Variants in CCDC149 observed in about 807,000 individuals in gnomAD.
CCDC149 encodes coiled-coil domain-containing protein 149.
In CCDC149, 45 loss-of-function variants were observed where a neutral mutation model predicts 59.9. The ratio of observed to expected loss-of-function variants is 0.75; its 90% CI spans 0.59 to 0.96. CCDC149 has a LOEUF of 0.96. Ranked by LOEUF, CCDC149 falls within the 40% of genes least tolerant of loss-of-function variation. The pLI, the probability that CCDC149 is intolerant of heterozygous loss-of-function variation, is 0.00. For missense variants in CCDC149, 584 were observed against 664.7 expected (o/e 0.88, Z 1.33); for synonymous variants, 245 against 260.6 (o/e 0.94, Z 0.58).
chr4:24,957,489 T>C (rs1371219380), intron 1 of CCDC149, among the ~76,000 whole-genome samples: 1 of 152,198 alleles, frequency 6.6e-6, no homozygotes, highest in Admixed American at 6.5e-5. Context: ...CATAGTACAA[T>C]CCCATTCAGG....
At chr4:24,838,586 A>G (rs1249369964) in intron 4 of CCDC149, among the ~76,000 whole-genome samples, 1 of 152,102 alleles carries the variant, frequency 6.6e-6, no homozygotes, top group African/African-American at 2.4e-5. Context: ...TGATAACCCA[A>G]TGCTGGAAGA....
At chr4:24,852,992 C>T (rs1717758440) in intron 4 of CCDC149, 80 bp downstream of exon 4, 2 of 872,356 alleles carry the variant, frequency 2.3e-6, no homozygotes, top group Non-Finnish European at 3.7e-6. Context: ...TGCTGCATTA[C>T]ATTTTTCCGA....
At chr4:24,943,161 C>T (rs541321124) in intron 1 of CCDC149, among the ~76,000 whole-genome samples, 76 of 152,286 alleles carry the variant, frequency 5.0e-4, no homozygotes, top group African/African-American at 1.5e-3. Context: ...TACAAGGCTA[C>T]GGTAACCAAA....
rs752367680 is a variant in CCDC149, at chr4:24,808,590, T to C, written c.1422A>G (p.Glu474=). 6.4e-7 allele frequency: 1 copy of C among 1,552,168 alleles called. No homozygotes were observed. Among genetic ancestry groups the C allele is most frequent in the South Asian group, 1.2e-5 (1 of 84,064 alleles). The change falls in exon 13 of 13, where the codon GAA becomes GAG. Residue 474 remains glutamate (E), a synonymous_variant. Coordinates refer to ENST00000635206, the MANE Select transcript of CCDC149 (RefSeq NM_001330643.2). ...CTATGGGACTCTCTCTTCTGACCTCTTCCAGTTCTGCAGCTGCCTGTTCCT... is the reference window on the plus strand; with the variant it reads ...CTATGGGACTCTCTCTTCTGACCTCCTCCAGTTCTGCAGCTGCCTGTTCCT...
intron 3 of CCDC149, among the ~76,000 whole-genome samples, chr4:24,860,995 C>T (rs1718342765): frequency 1.3e-5 from 2 of 152,100 alleles, no homozygotes; most frequent in Admixed American, 6.5e-5. Flanking sequence ...AAAAAGGGAA[C>T]ACTTTTACAC....
intron 9 of CCDC149, 78 bp from the exon 10 acceptor site, chr4:24,822,651 C>A: frequency 1.0e-6 from 1 of 979,856 alleles, no homozygotes; most frequent in Non-Finnish European, 1.5e-6. Context: ...CACTGGTGCC[C>A]TAGTAGAAAA....
At chr4:24,893,059 T>A (rs1043135859) in intron 1 of CCDC149, among the ~76,000 whole-genome samples, 1 of 152,218 alleles carries the variant, frequency 6.6e-6, no homozygotes, top group Middle Eastern at 3.2e-3. Context: ...AGAGCCTTCC[T>A]GACCTAATGA....
chr4:24,822,740 G>A (rs1715494514), intron 9 of CCDC149, 167 bp from the exon 10 acceptor site: 2 of 451,538 alleles, frequency 4.4e-6, no homozygotes, highest in Non-Finnish European at 8.1e-6. Flanking sequence ...TCTATTGAAA[G>A]TGCATATACA....
At chr4:24,831,418 G>GTCGT (rs1212621383) in intron 9 of CCDC149, 88 bp downstream of exon 9, 2 of 1,384,026 alleles carry the variant, frequency 1.4e-6, no homozygotes, top group African/African-American at 2.9e-5. Context: ...CTGCAGGTCC[G>GTCGT]TCGTTCCAGC....
intron 1 of CCDC149, among the ~76,000 whole-genome samples, chr4:24,921,918 G>T (rs997982248): frequency 6.6e-6 from 1 of 152,162 alleles, no homozygotes; most frequent in Non-Finnish European, 1.5e-5. Flanking sequence ...ACAGATGGGG[G>T]TGTTTAAATA....
chr4:24,812,165 G>A (rs528564998), intron 12 of CCDC149, among the ~76,000 whole-genome samples: 1 of 152,092 alleles, frequency 6.6e-6, no homozygotes, highest in African/African-American at 2.4e-5. Context: ...CAATCATATC[G>A]GCAAAGTCAT....
intron 12 of CCDC149, among the ~76,000 whole-genome samples, chr4:24,812,206 C>T (rs1034082877): frequency 2.6e-5 from 4 of 152,208 alleles, no homozygotes; most frequent in African/African-American, 9.7e-5. Context: ...TTACAGGTTT[C>T]AGGGAATTGG....
chr4:24,952,636 TATATATA>T (rs1432901347), intron 1 of CCDC149, among the ~76,000 whole-genome samples: 1 of 16,058 alleles, frequency 6.2e-5, no homozygotes, highest in East Asian at 9.3e-4. Context: ...AATATATATA[TATATATA>T]TATATATATA....
chr4:24,853,235 C>A, intron 3 of CCDC149, 56 bp from the exon 4 acceptor site: 2 of 1,327,518 alleles, frequency 1.5e-6, no homozygotes, highest in Middle Eastern at 3.6e-4. Context: ...TGGATGAATG[C>A]AGGGCTTCAT....
chr4:24,977,615 G>C (rs977673280), intron 1 of CCDC149, among the ~76,000 whole-genome samples: 4 of 152,124 alleles, frequency 2.6e-5, no homozygotes, highest in Admixed American at 2.6e-4. Flanking sequence ...AATACCTAAG[G>C]TGTGGTAGAA....
At chr4:24,844,077 CA>C (rs1474528489) in intron 4 of CCDC149, among the ~76,000 whole-genome samples, 1 of 152,092 alleles carries the variant, frequency 6.6e-6, no homozygotes, top group African/African-American at 2.4e-5. Context: ...GCCTTCTCTG[CA>C]CATTATCACT....
intron 1 of CCDC149, among the ~76,000 whole-genome samples, chr4:24,888,899 C>T (rs571390643): frequency 6.6e-6 from 1 of 151,358 alleles, no homozygotes; most frequent in South Asian, 2.1e-4. Context: ...GATTCTAATG[C>T]CATTCTCTAA....
intron 3 of CCDC149, among the ~76,000 whole-genome samples, chr4:24,872,034 T>G (rs553207309): frequency 6.6e-6 from 1 of 152,128 alleles, no homozygotes; most frequent in Non-Finnish European, 1.5e-5. Flanking sequence ...AAGTAACATA[T>G]AAGAAACCTC....
rs573579300 is a variant in CCDC149, at chr4:24,927,431, T to G, written c.-64-32313A>C. 7.8e-4 allele frequency among the ~76,000 whole-genome samples: 118 copies of G among 152,254 alleles called. 2 individuals are homozygous for G. Among genetic ancestry groups the G allele is most frequent in the Non-Finnish European group, 2.2e-4 (15 of 68,046 alleles). The stretch of plus-strand genomic sequence containing the variant: ...AGCATAAATATATGTTTTCCATAGC[T>G]CTTGCAGAGCAAACAGCTGCGTTTA... On this transcript the variant is annotated intron_variant, in intron 1 of 12. Coordinates refer to the CCDC149 transcript ENST00000389609.
Sources: allele counts gnomAD v4.1 joint callset (sites outside exome capture counted in the v4.1 genomes callset), GRCh38; gene constraint gnomAD v4.1.1; transcripts MANE v1.5; gene names NCBI Gene and HGNC (gene_info 2026-07-23, HGNC 2026-07-21).